The following NALF1 variants were observed in gnomAD, a reference collection of about 807,000 sequenced individuals.
NALF1 encodes the protein NALCN channel auxiliary factor 1.
Under a neutral mutation model 48.4 loss-of-function variants are expected in NALF1, and 3 were observed. The ratio of observed to expected loss-of-function variants is 0.06; its 90% CI spans 0.03 to 0.16. The LOEUF (loss-of-function observed/expected upper bound fraction) is 0.16. Ranked by LOEUF, NALF1 falls within the 10% of genes least tolerant of loss-of-function variation. NALF1 has a pLI of 1.00. For missense variants in NALF1, 526 were observed against 571.5 expected (o/e 0.92, Z 0.81); for synonymous variants, 262 against 245.7 (o/e 1.07, Z -0.62).
chr13:107,535,126 A>G (rs1349549238), intron 1 of NALF1, among the ~76,000 whole-genome samples: 1 of 152,142 alleles, frequency 6.6e-6, no homozygotes, highest in Non-Finnish European at 1.5e-5. Flanking sequence ...TCATCTGCAA[A>G]CAGGGACAAT....
At chr13:107,631,624 G>A (rs1486694844) in intron 1 of NALF1, among the ~76,000 whole-genome samples, 1 of 152,088 alleles carries the variant, frequency 6.6e-6, no homozygotes, top group East Asian at 1.9e-4. Context: ...AGGATGCACA[G>A]CAGGACTCGC....
chr13:107,172,587 TAA>T (rs201848288), intron 2 of NALF1, among the ~76,000 whole-genome samples: 3 of 151,586 alleles, frequency 2.0e-5, no homozygotes, highest in Admixed American at 6.6e-5. Flanking sequence ...AGGTAGAATA[TAA>T]AAAAAAACTG....
Position 107,554,512 on chromosome 13 carries a change from G to C in NALF1, c.915+311170C>G, listed in dbSNP as rs150452760. ...GCCAGGCAGTGCAACCAGTCCTCAA[G>C]AACCTGTGCAGCCCGGGGACCCAGG... On this transcript the variant is annotated intron_variant, in intron 1 of 2. Coordinates refer to ENST00000375915, the MANE Select transcript of NALF1 (RefSeq NM_001080396.3). Among the ~76,000 whole-genome samples the C allele has an allele frequency of 2.6e-5, 4 of 152,242 alleles. No individual in the cohort carries two copies. The East Asian group carries it at 7.8e-4, about 30-fold the overall frequency.
At chr13:107,276,407 C>T (rs1172929833) in intron 1 of NALF1, among the ~76,000 whole-genome samples, 1 of 152,136 alleles carries the variant, frequency 6.6e-6, no homozygotes, top group African/African-American at 2.4e-5. Flanking sequence ...TCCCACAGAA[C>T]ATGTCCCAAC....
chr13:107,294,700 G>A (rs1881691718), intron 1 of NALF1, among the ~76,000 whole-genome samples: 1 of 152,166 alleles, frequency 6.6e-6, no homozygotes, highest in South Asian at 2.1e-4. Flanking sequence ...CAGAAAGCTG[G>A]TAAGCGACCT....
chr13:107,463,866 T>C (rs537665637), intron 1 of NALF1, among the ~76,000 whole-genome samples: 2 of 152,366 alleles, frequency 1.3e-5, no homozygotes, highest in African/African-American at 4.8e-5. Flanking sequence ...TGTTGCTTGA[T>C]ATAATGATAA....
chr13:107,723,114 T>G (rs1225122695), intron 1 of NALF1, among the ~76,000 whole-genome samples: 1 of 152,202 alleles, frequency 6.6e-6, no homozygotes, highest in Non-Finnish European at 1.5e-5. Flanking sequence ...ATTCATCACA[T>G]TCAGTCAGCG....
At chr13:107,611,868 A>C (rs1879231240) in intron 1 of NALF1, among the ~76,000 whole-genome samples, 1 of 151,024 alleles carries the variant, frequency 6.6e-6, no homozygotes, top group African/African-American at 2.4e-5. Context: ...GGTTACAGTG[A>C]GCTAAGATTG....
intron 2 of NALF1, among the ~76,000 whole-genome samples, chr13:107,206,383 A>G (rs985258561): frequency 3.3e-5 from 5 of 152,202 alleles, no homozygotes; most frequent in African/African-American, 7.2e-5. Context: ...AGTAATGGAC[A>G]TGCATTCTCA....
chr13:107,270,602 G>A (rs958932054), intron 1 of NALF1, among the ~76,000 whole-genome samples: 1 of 151,680 alleles, frequency 6.6e-6, no homozygotes, highest in Non-Finnish European at 1.5e-5. Flanking sequence ...TTTTCTGTGA[G>A]GTTTTAGTCA....
intron 1 of NALF1, among the ~76,000 whole-genome samples, chr13:107,597,047 A>T (rs1878775256): frequency 6.6e-6 from 1 of 152,136 alleles, no homozygotes; most frequent in Non-Finnish European, 1.5e-5. Flanking sequence ...TTTGCTTGAG[A>T]CATTTCGATA....
intron 1 of NALF1, among the ~76,000 whole-genome samples, chr13:107,412,084 C>A (rs143562026): frequency 6.6e-6 from 1 of 152,282 alleles, no homozygotes; most frequent in Admixed American, 6.5e-5. Flanking sequence ...GTTAAACTCA[C>A]ATCCTCACAG....
At chr13:107,525,556 T>C (rs1228988294) in intron 1 of NALF1, among the ~76,000 whole-genome samples, 1 of 152,142 alleles carries the variant, frequency 6.6e-6, no homozygotes, top group East Asian at 1.9e-4. Context: ...TTTGGGGGCA[T>C]TATAACTTCT....
chr13:107,460,364 A>G (rs1884898474), intron 1 of NALF1, among the ~76,000 whole-genome samples: 1 of 152,188 alleles, frequency 6.6e-6, no homozygotes, highest in African/African-American at 2.4e-5. Context: ...CATAACATCC[A>G]ATTATTTTTC....
intron 1 of NALF1, among the ~76,000 whole-genome samples, chr13:107,365,158 T>C (rs537155196): frequency 1.4e-4 from 21 of 151,286 alleles, no homozygotes; most frequent in African/African-American, 4.6e-4. Context: ...CAAGATCCCT[T>C]GAAAACGCTT....
At chr13:107,571,942 C>A (rs1877996996) in intron 1 of NALF1, among the ~76,000 whole-genome samples, 1 of 152,010 alleles carries the variant, frequency 6.6e-6, no homozygotes. Flanking sequence ...TCCAAATCAT[C>A]GATTTGTAGA....
intron 1 of NALF1, among the ~76,000 whole-genome samples, chr13:107,584,897 C>T (rs907693953): frequency 6.6e-6 from 1 of 152,134 alleles, no homozygotes; most frequent in Admixed American, 6.6e-5. Context: ...TTATCATCAT[C>T]ATCATCACTG....
In NALF1 at chr13:107,787,888, T is replaced by C. The variant is rs1387178243; in HGVS notation, c.915+77794A>G. On this transcript the variant is annotated intron_variant, in intron 1 of 2. Transcript: ENST00000375915. ...ATATAATTCTTTTTTTAGACCTTGA[T>C]AATTTCATTCATTGTTAGGAATTGA... Among the ~76,000 whole-genome samples the C allele has an allele frequency of 3.9e-5, 6 of 152,336 alleles. No individual in the cohort carries two copies. In the East Asian group the frequency reaches 1.2e-3, roughly 29 times the overall value.
chr13:107,599,247 C>G (rs961974718), intron 1 of NALF1, among the ~76,000 whole-genome samples: 8 of 151,940 alleles, frequency 5.3e-5, no homozygotes, highest in African/African-American at 1.9e-4. Context: ...GGTGAAACCC[C>G]GTCTCTACCA....
Sources: allele counts gnomAD v4.1 joint callset (sites outside exome capture counted in the v4.1 genomes callset), GRCh38; gene constraint gnomAD v4.1.1; transcripts MANE v1.5; gene names NCBI Gene and HGNC (gene_info 2026-07-23, HGNC 2026-07-21).